The following PRELID2 variants were observed in gnomAD, a reference collection of about 807,000 sequenced individuals.
PRELID2 encodes the protein PRELI domain-containing protein 2.
In PRELID2, 25 loss-of-function variants were observed where a neutral mutation model predicts 28.4. The observed-to-expected ratio is 0.88, with a 90% CI of 0.64 to 1.23. PRELID2 has a LOEUF of 1.23. Among genes scored for constraint, PRELID2 ranks in the 50% most tolerant of loss-of-function variants. The probability of loss-of-function intolerance (pLI) is 0.00; values close to 1 mark genes in which losing one functional copy is unlikely to be tolerated. For synonymous variants in PRELID2, 76 were observed against 71.6 expected (o/e 1.06, Z -0.31); for missense variants, 201 against 214.4 (o/e 0.94, Z 0.39).
At chr5:145,545,197 G>A (rs7727300) in intron 1 of PRELID2, among the ~76,000 whole-genome samples, 22,981 of 151,938 alleles carry the variant, frequency 0.15, 1,795 homozygotes, top group Non-Finnish European at 0.17. Context: ...ATCAGAGAAC[G>A]TCTGATTTGG....
chr5:145,688,433 T>C (rs1755079445), intron 1 of PRELID2, among the ~76,000 whole-genome samples: 1 of 152,192 alleles, frequency 6.6e-6, no homozygotes, highest in Admixed American at 6.5e-5. Context: ...TCGTCAAATA[T>C]TTATTCAGCT....
At chr5:145,446,660 A>G in the PRELID2 span, among the ~76,000 whole-genome samples, 6 of 152,094 alleles carry the variant, frequency 3.9e-5, no homozygotes, top group African/African-American at 1.4e-4. Flanking sequence ...AGATTAACAA[A>G]TTATCCCGTA....
chr5:145,742,436 G>A (rs1398657104), intron 1 of PRELID2, among the ~76,000 whole-genome samples: 11 of 131,420 alleles, frequency 8.4e-5, no homozygotes, highest in South Asian at 4.7e-4. Context: ...ACCAGAAATC[G>A]ATAACAGAAA....
chr5:145,282,606 G>A, the PRELID2 span, among the ~76,000 whole-genome samples: 931 of 150,594 alleles, frequency 6.2e-3, 12 homozygotes, highest in African/African-American at 0.02. Context: ...TGCAACCACC[G>A]TCTCCTGGTT....
At chr5:145,712,637 T>TA (rs35328047) in intron 1 of PRELID2, among the ~76,000 whole-genome samples, 1 of 152,088 alleles carries the variant, frequency 6.6e-6, no homozygotes, top group Non-Finnish European at 1.5e-5. Flanking sequence ...CATACAATTT[T>TA]AAAAAATACA....
the PRELID2 span, among the ~76,000 whole-genome samples, chr5:145,425,088 A>G: frequency 7.2e-5 from 11 of 152,176 alleles, no homozygotes; most frequent in African/African-American, 2.7e-4. Context: ...AACATTAAAA[A>G]GTAGGCAAAA....
chr5:145,287,110 C>T, the PRELID2 span, among the ~76,000 whole-genome samples: 2 of 152,106 alleles, frequency 1.3e-5, no homozygotes, highest in Non-Finnish European at 2.9e-5. Context: ...ATAGTGATCT[C>T]CTGTTATCCA....
the PRELID2 span, among the ~76,000 whole-genome samples, chr5:145,263,683 T>C: frequency 6.6e-6 from 1 of 151,822 alleles, no homozygotes; most frequent in Non-Finnish European, 1.5e-5. Flanking sequence ...ATACAAAAGA[T>C]TATTCAAGAT....
the PRELID2 span, among the ~76,000 whole-genome samples, chr5:145,348,768 A>AT: frequency 1.3e-4 from 20 of 152,122 alleles, no homozygotes; most frequent in Non-Finnish European, 2.8e-4. Context: ...ATTTGACTCC[A>AT]TGAAAAGGCA....
At chr5:145,522,308 G>A (rs531748354) in intron 1 of PRELID2, among the ~76,000 whole-genome samples, 1 of 151,904 alleles carries the variant, frequency 6.6e-6, no homozygotes, top group East Asian at 1.9e-4. Context: ...ATTATTTTAG[G>A]TATTTTATTT....
At chr5:145,583,484 A>G (rs1200427573) in intron 1 of PRELID2, among the ~76,000 whole-genome samples, 1 of 152,198 alleles carries the variant, frequency 6.6e-6, no homozygotes, top group Admixed American at 6.5e-5. Flanking sequence ...TCAAATAGAA[A>G]GAGAGGACAT....
At chr5:145,588,400 G>A (rs1431895356) in intron 1 of PRELID2, among the ~76,000 whole-genome samples, 1 of 151,956 alleles carries the variant, frequency 6.6e-6, no homozygotes, top group Non-Finnish European at 1.5e-5. Context: ...TTCCCATAAA[G>A]AAAACTCCTA....
chr5:145,413,609 AATAC>A, the PRELID2 span, among the ~76,000 whole-genome samples: 1 of 113,586 alleles, frequency 8.8e-6, no homozygotes. Flanking sequence ...GGATGAAGAA[AATAC>A]ACACACACAC....
chr5:145,319,322 C>T, the PRELID2 span, among the ~76,000 whole-genome samples: 2 of 152,096 alleles, frequency 1.3e-5, no homozygotes, highest in African/African-American at 4.8e-5. Context: ...GTGTCCACCC[C>T]TCCTATTCCC....
chr5:145,330,603 T>G, the PRELID2 span, among the ~76,000 whole-genome samples: 1 of 152,240 alleles, frequency 6.6e-6, no homozygotes, highest in Admixed American at 6.5e-5. Flanking sequence ...TGTATTTCAG[T>G]GAAATCAGTG....
At chr5:145,539,005 A>G (rs533807369) in intron 1 of PRELID2, among the ~76,000 whole-genome samples, 1 of 151,916 alleles carries the variant, frequency 6.6e-6, no homozygotes, top group Non-Finnish European at 1.5e-5. Context: ...AGAGAGCCAA[A>G]TAGCAACCTG....
At chr5:145,277,077 G>A in the PRELID2 span, among the ~76,000 whole-genome samples, 1 of 151,958 alleles carries the variant, frequency 6.6e-6, no homozygotes, top group Admixed American at 6.6e-5. Flanking sequence ...GTGGTTTGAG[G>A]GTACCTTCTC....
chr5:145,698,657 A>G (rs569218139), intron 1 of PRELID2, among the ~76,000 whole-genome samples: 1 of 152,272 alleles, frequency 6.6e-6, no homozygotes, highest in African/African-American at 2.4e-5. Context: ...GATGGCATGT[A>G]TCCCATTCAA....
At chr5:145,749,004 C>A (rs1757062719) in intron 1 of PRELID2, among the ~76,000 whole-genome samples, 1 of 152,068 alleles carries the variant, frequency 6.6e-6, no homozygotes, top group African/African-American at 2.4e-5. Flanking sequence ...AAATGTAAAA[C>A]CCCAAACCAA....
Sources: allele counts gnomAD v4.1 joint callset (sites outside exome capture counted in the v4.1 genomes callset), GRCh38; gene constraint gnomAD v4.1.1; transcripts MANE v1.5; gene names NCBI Gene and HGNC (gene_info 2026-07-23, HGNC 2026-07-21).